Variants in ARHGAP39 observed in about 807,000 individuals in gnomAD.
ARHGAP39 encodes the protein rho GTPase-activating protein 39.
A neutral mutation model predicts 106.9 loss-of-function variants in ARHGAP39; 44 were observed. The ratio of observed to expected loss-of-function variants is 0.41; its 90% CI spans 0.32 to 0.53. The LOEUF is 0.53. Among genes scored for constraint, ARHGAP39 ranks in the 20% least tolerant of loss-of-function variants. The pLI is 0.21. For missense variants in ARHGAP39, 1,496 were observed against 1,577.3 expected (o/e 0.95, Z 0.87); for synonymous variants, 768 against 693.2 (o/e 1.11, Z -1.69).
rs1164366119 is a variant in ARHGAP39 at position 144,530,098 on chromosome 8, C to T, written c.*324G>A. 7 of 329,940 alleles carry T rather than the reference C, an allele frequency of 2.1e-5. No homozygotes were observed. The highest frequency in any genetic ancestry group is 3.4e-5 in the Non-Finnish European group (6 of 179,092). 20.4% of individuals were successfully genotyped at this position (329,940 alleles called of 1,614,324 possible). A position where few individuals can be genotyped will look rare whatever the true frequency, so the allele number is the denominator to read the frequency against. On this transcript the variant is annotated 3_prime_UTR_variant, in exon 12 of 12. Coordinates refer to ENST00000377307, the MANE Select transcript of ARHGAP39 (RefSeq NM_025251.3). Reference sequence around the variant, plus strand: ...AGGAGCCACAGGGAGGCAGCCCGGCCCCAAGGAGGCAGCGTCGCTCGGCTC... The same window carrying T: ...AGGAGCCACAGGGAGGCAGCCCGGCTCCAAGGAGGCAGCGTCGCTCGGCTC...
chr8:144,555,548 G>C lies in ARHGAP39; in HGVS notation c.596+12C>G, dbSNP rs750277830. ...CCATCACAAACGGCCACGCCTGAGAGATGGGTTCTACCTGTAGTGAAGAAG... is the reference window on the plus strand; with the variant it reads ...CCATCACAAACGGCCACGCCTGAGACATGGGTTCTACCTGTAGTGAAGAAG... On this transcript the variant is annotated intron_variant, in intron 4 of 11. Transcript: ENST00000377307. 1.2e-6 allele frequency: 2 copies of C among 1,612,758 alleles called. No individual in the cohort carries two copies. The highest frequency in any genetic ancestry group is 2.7e-5 in the African/African-American group (2 of 75,046).
chr8:144,605,335 G>A (rs537076406), intron 2 of ARHGAP39, among the ~76,000 whole-genome samples, 200 bp downstream of exon 2: 18 of 152,284 alleles, frequency 1.2e-4, no homozygotes, highest in African/African-American at 3.4e-4. Flanking sequence ...ATGGCGACCC[G>A]CATCTGCAGG....
intron 5 of ARHGAP39, among the ~76,000 whole-genome samples, chr8:144,546,019 T>C (rs1213191266): frequency 2.0e-5 from 3 of 152,294 alleles, no homozygotes; most frequent in Admixed American, 6.5e-5. Flanking sequence ...GCCGGAGCCC[T>C]GTACTCCCAG....
At chr8:144,533,027 C>G in intron 9 of ARHGAP39, 99 bp downstream of exon 9, 1 of 1,422,128 alleles carries the variant, frequency 7.0e-7, no homozygotes, top group Non-Finnish European at 9.6e-7. Context: ...GCGGAAGCAG[C>G]CCAGTGGGCC....
Position 144,585,451 on chromosome 8 carries a change from G to A in ARHGAP39, c.81-4174C>T, listed in dbSNP as rs1819146348. Among the ~76,000 whole-genome samples the A allele has an allele frequency of 6.7e-6, 1 of 149,952 alleles. No individual in the cohort carries two copies. The highest frequency in any genetic ancestry group is 1.5e-5 in the Non-Finnish European group (1 of 67,516). On this transcript the variant is annotated intron_variant, in intron 2 of 11. Coordinates refer to ENST00000377307, the MANE Select transcript of ARHGAP39 (RefSeq NM_025251.3). This position sits in a 1 kb window ranked among gnomAD's most constrained non-coding sequence, Gnocchi z 4.6. ...CCCAGCACCGGCTCACCGAGAACCT[G>A]GAGGGGCCAGCCAAGGGTTCCCAGC...
chr8:144,663,904 T>C (rs892964442), intron 1 of ARHGAP39, among the ~76,000 whole-genome samples: 1 of 152,214 alleles, frequency 6.6e-6, no homozygotes, highest in Non-Finnish European at 1.5e-5. Flanking sequence ...CAGTGGCTCA[T>C]GCCTGTAATC....
At chr8:144,666,881 C>T (rs1485737497) in intron 1 of ARHGAP39, among the ~76,000 whole-genome samples, 1 of 152,142 alleles carries the variant, frequency 6.6e-6, no homozygotes, top group Non-Finnish European at 1.5e-5. Context: ...CTCTGCCCAC[C>T]TCCCGTGAAA....
intron 1 of ARHGAP39, among the ~76,000 whole-genome samples, chr8:144,621,897 G>C (rs2130968624): frequency 6.6e-6 from 1 of 152,210 alleles, no homozygotes; most frequent in East Asian, 1.9e-4. Context: ...AACAAGATGT[G>C]GTCGGCTCAG....
At chr8:144,539,640 T>C (rs1292772687) in intron 6 of ARHGAP39, among the ~76,000 whole-genome samples, 2 of 152,226 alleles carry the variant, frequency 1.3e-5, no homozygotes, top group Non-Finnish European at 2.9e-5. Flanking sequence ...GATATCCGGT[T>C]TTCCCAGCAT....
At chr8:144,655,064 A>G (rs769006472) in intron 1 of ARHGAP39, among the ~76,000 whole-genome samples, 2 of 152,142 alleles carry the variant, frequency 1.3e-5, no homozygotes, top group African/African-American at 2.4e-5. Flanking sequence ...CTCCCACTCC[A>G]GTCTTGGAGC....
intron 6 of ARHGAP39, 77 bp downstream of exon 6, chr8:144,545,172 A>G: frequency 7.5e-7 from 1 of 1,332,232 alleles, no homozygotes; most frequent in Non-Finnish European, 9.8e-7. Flanking sequence ...GGACTTCACC[A>G]GCTGCCGCCC....
intron 1 of ARHGAP39, among the ~76,000 whole-genome samples, chr8:144,628,951 C>T (rs1216961985): frequency 2.0e-5 from 3 of 152,178 alleles, no homozygotes; most frequent in African/African-American, 7.2e-5. Context: ...CCCGGGAGGA[C>T]GCGTGCGATT....
intron 3 of ARHGAP39, among the ~76,000 whole-genome samples, chr8:144,564,546 A>G (rs1200963027): frequency 6.6e-6 from 1 of 152,266 alleles, no homozygotes; most frequent in Non-Finnish European, 1.5e-5. Flanking sequence ...TAGTTGAGAA[A>G]GACATTAACA....
chr8:144,667,321 C>A (rs185908235), intron 1 of ARHGAP39, among the ~76,000 whole-genome samples: 1 of 152,176 alleles, frequency 6.6e-6, no homozygotes, highest in African/African-American at 2.4e-5. Context: ...CTCCTTCCCC[C>A]ACAAGTGGTT....
intron 1 of ARHGAP39, among the ~76,000 whole-genome samples, chr8:144,685,474 C>T (rs1035625842): frequency 6.0e-5 from 9 of 149,454 alleles, no homozygotes; most frequent in African/African-American, 1.9e-4. Context: ...CCGCGCCCCC[C>T]GCCCGGCCGG....
At chr8:144,685,415 G>C (rs1228027907) in intron 1 of ARHGAP39, among the ~76,000 whole-genome samples, 1 of 150,400 alleles carries the variant, frequency 6.6e-6, no homozygotes, top group Non-Finnish European at 1.5e-5. Context: ...TCCCAGCCCG[G>C]CCCGTCGGCG....
At chr8:144,682,353 T>A (rs1487747342) in intron 1 of ARHGAP39, among the ~76,000 whole-genome samples, 2 of 147,708 alleles carry the variant, frequency 1.4e-5, no homozygotes, top group Non-Finnish European at 3.0e-5. Flanking sequence ...ATCGAGACCA[T>A]CTTGGCTAAC....
rs956268789 is a variant in ARHGAP39, at chr8:144,591,697, C to T, written c.81-10420G>A. On this transcript the variant is annotated intron_variant, in intron 2 of 11. Transcript: ENST00000377307. The surrounding 1 kb of genome is among the most constrained non-coding windows in gnomAD (Gnocchi z 5.3). The stretch of plus-strand genomic sequence containing the variant: ...CGGCCTGAGCACCTGGAGGGCGGGG[C>T]TGTGTCAGGTCTGGGGTCAGAACTC... Among the ~76,000 whole-genome samples the T allele has an allele frequency of 6.6e-6, 1 of 152,188 alleles. No homozygotes were observed. The highest frequency in any genetic ancestry group is 1.9e-4 in the East Asian group (1 of 5,192).
chr8:144,646,843 G>A lies in ARHGAP39; in HGVS notation c.-82+38843C>T, dbSNP rs774565808. On this transcript the variant is annotated intron_variant, in intron 1 of 11. Transcript: ENST00000377307. This position sits in a 1 kb window ranked among gnomAD's most constrained non-coding sequence, Gnocchi z 5.7. ...TGGGTTTTTCTCCACCACACTTGCTGCAGACGAGGGTCCGGGACCAGACAC... is the reference window on the plus strand; with the variant it reads ...TGGGTTTTTCTCCACCACACTTGCTACAGACGAGGGTCCGGGACCAGACAC... 5.9e-5 allele frequency among the ~76,000 whole-genome samples: 9 copies of A among 152,182 alleles called. No homozygotes were observed. Among genetic ancestry groups the A allele is most frequent in the Non-Finnish European group, 1.3e-4 (9 of 68,040 alleles).
Sources: gnomAD v4.1 joint callset for allele counts (sites outside exome capture counted in the v4.1 genomes callset) on GRCh38, gnomAD v4.1.1 for gene constraint, Gnocchi (gnomAD v3.1) non-coding constraint, MANE v1.5 for transcripts, NCBI Gene and HGNC (gene_info 2026-07-23, HGNC 2026-07-21) for gene names.